ANKFN1: variants seen among roughly 807,000 people sequenced by gnomAD.
The protein encoded by ANKFN1 is ankyrin repeat and fibronectin type III domain containing 1.
Under a neutral mutation model 108.7 loss-of-function variants are expected in ANKFN1, and 74 were observed. The ratio of observed to expected loss-of-function variants is 0.68; its 90% CI spans 0.56 to 0.83. ANKFN1 has a LOEUF of 0.83. Among genes scored for constraint, ANKFN1 ranks in the 40% least tolerant of loss-of-function variants. The pLI, the probability that ANKFN1 is intolerant of heterozygous loss-of-function variation, is 0.00. For synonymous variants in ANKFN1, 547 were observed against 516.2 expected (o/e 1.06, Z -0.81); for missense variants, 1,505 against 1,382.3 (o/e 1.09, Z -1.41).
At chr17:56,212,405 G>A (rs564576623) in intron 1 of ANKFN1, among the ~76,000 whole-genome samples, 193 bp from the exon 2 acceptor site, 18 of 152,164 alleles carry the variant, frequency 1.2e-4, no homozygotes, top group African/African-American at 3.9e-4. Context: ...GATCATGGTG[G>A]ATTATCATTT....
At chr17:56,307,605 T>C (rs1349547048) in intron 3 of ANKFN1, among the ~76,000 whole-genome samples, 3 of 152,120 alleles carry the variant, frequency 2.0e-5, no homozygotes, top group Admixed American at 2.0e-4. Context: ...TGTGGAGAAA[T>C]AGGAACACTT....
At chr17:56,486,105 G>C (rs1303441172) in intron 18 of ANKFN1, among the ~76,000 whole-genome samples, 2 of 152,178 alleles carry the variant, frequency 1.3e-5, no homozygotes, top group Non-Finnish European at 2.9e-5. Flanking sequence ...AGCAATATGA[G>C]AGCATCAGAT....
At position 56,189,170 on chromosome 17, in the gene ANKFN1, C is replaced by CATTT. The variant is rs1555607722; in HGVS notation, c.-70-23428_-70-23427insATTT. Reference sequence around the variant, plus strand: ...CCTAAGTAAGTAAATGTTGCCCTGACTTTTTTTTTTTTTTTTTTGAGACGG... The same window carrying CATTT: ...CCTAAGTAAGTAAATGTTGCCCTGACATTTTTTTTTTTTTTTTTTTTTGAGACGG... On this transcript the variant is annotated intron_variant, in intron 1 of 20. Coordinates refer to ENST00000682825, the MANE Select transcript of ANKFN1 (RefSeq NM_001370326.1). Among the ~76,000 whole-genome samples, 9 of 85,262 alleles carry CATTT rather than the reference C, an allele frequency of 1.1e-4. 1 individual carries two copies. Among genetic ancestry groups the CATTT allele is most frequent in the Non-Finnish European group, 1.3e-4 (7 of 52,142 alleles). 55.9% of individuals were successfully genotyped at this position (85,262 alleles called of 152,430 possible).
At chr17:56,239,784 C>A (rs1490425237) in intron 3 of ANKFN1, among the ~76,000 whole-genome samples, 3 of 152,164 alleles carry the variant, frequency 2.0e-5, no homozygotes, top group South Asian at 2.1e-4. Context: ...CTTTGGCAGG[C>A]TACTGGTCAG....
chr17:56,153,626 G>T, intron 1 of ANKFN1, 96 bp downstream of exon 1: 1 of 1,501,926 alleles, frequency 6.7e-7, no homozygotes, highest in South Asian at 1.1e-5. Flanking sequence ...GTGGGCGAGT[G>T]AATTCGGGCG....
At chr17:56,190,300 A>G (rs1285884667) in intron 1 of ANKFN1, among the ~76,000 whole-genome samples, 1 of 134,154 alleles carries the variant, frequency 7.5e-6, no homozygotes, top group East Asian at 2.2e-4. Flanking sequence ...TCTAATTGTG[A>G]TGTTAGGGTG....
At chr17:56,347,228 A>G (rs1418645784) in intron 4 of ANKFN1, among the ~76,000 whole-genome samples, 1 of 152,022 alleles carries the variant, frequency 6.6e-6, no homozygotes, top group Non-Finnish European at 1.5e-5. Context: ...ATTATTTAAG[A>G]CAAGCAATAA....
At chr17:56,270,453 G>A (rs566446212) in intron 3 of ANKFN1, among the ~76,000 whole-genome samples, 4 of 152,276 alleles carry the variant, frequency 2.6e-5, no homozygotes, top group Admixed American at 2.6e-4. Flanking sequence ...GTCATCCCAG[G>A]GAAAGACAGT....
intron 4 of ANKFN1, among the ~76,000 whole-genome samples, chr17:56,046,731 C>G (rs967983501): frequency 6.6e-6 from 1 of 152,086 alleles, no homozygotes; most frequent in Non-Finnish European, 1.5e-5. Flanking sequence ...ATTTACATCC[C>G]TCTAGCTGCA....
At chr17:56,456,816 T>A (rs1307091215) in intron 11 of ANKFN1, 45 bp from the exon 12 acceptor site, 4 of 1,521,726 alleles carry the variant, frequency 2.6e-6, no homozygotes, top group Non-Finnish European at 3.6e-6. Flanking sequence ...GGGGTGTTGA[T>A]CTGCCCAGTG....
At chr17:56,174,874 G>T (rs1429959246) in intron 1 of ANKFN1, among the ~76,000 whole-genome samples, 1 of 152,180 alleles carries the variant, frequency 6.6e-6, no homozygotes, top group African/African-American at 2.4e-5. Flanking sequence ...GAGTGGCAGG[G>T]AATGGGTTTT....
chr17:56,445,253 CTG>C (rs1313301693), intron 10 of ANKFN1, among the ~76,000 whole-genome samples: 1 of 152,168 alleles, frequency 6.6e-6, no homozygotes. Context: ...GAGGAGGTGT[CTG>C]GGGAACCCCA....
chr17:56,229,166 G>T (rs890689520), intron 3 of ANKFN1, among the ~76,000 whole-genome samples: 3 of 152,018 alleles, frequency 2.0e-5, no homozygotes, highest in Non-Finnish European at 4.4e-5. Context: ...AACGTATTAC[G>T]CATTCACTGA....
intron 4 of ANKFN1, among the ~76,000 whole-genome samples, chr17:56,347,670 G>A (rs932725647): frequency 6.6e-6 from 1 of 151,900 alleles, no homozygotes; most frequent in African/African-American, 2.4e-5. Flanking sequence ...TAAATATAGA[G>A]GAGAAAAAGA....
intron 3 of ANKFN1, among the ~76,000 whole-genome samples, chr17:56,298,601 C>T (rs1201750168): frequency 2.0e-5 from 3 of 151,988 alleles, no homozygotes; most frequent in Non-Finnish European, 4.4e-5. Flanking sequence ...TTATAAACAA[C>T]ATTTTCATCA....
At chr17:56,144,730 G>A (rs1416986363) in intron 4 of ANKFN1, among the ~76,000 whole-genome samples, 1 of 152,094 alleles carries the variant, frequency 6.6e-6, no homozygotes, top group Non-Finnish European at 1.5e-5. Context: ...GTCCAGTGAG[G>A]GTTCTTTGTT....
At chr17:56,249,697 G>A (rs1163308919) in intron 3 of ANKFN1, among the ~76,000 whole-genome samples, 2 of 152,198 alleles carry the variant, frequency 1.3e-5, no homozygotes, top group African/African-American at 4.8e-5. Flanking sequence ...GACTAGGATA[G>A]AGATCTCAGA....
chr17:56,081,058 C>A (rs1905239890), intron 4 of ANKFN1, among the ~76,000 whole-genome samples: 1 of 152,126 alleles, frequency 6.6e-6, no homozygotes, highest in East Asian at 1.9e-4. Context: ...GGCCCCTTGC[C>A]TCCTTTTAAA....
intron 1 of ANKFN1, among the ~76,000 whole-genome samples, chr17:56,187,344 A>C (rs1246421967): frequency 8.5e-5 from 13 of 152,254 alleles, no homozygotes; most frequent in Admixed American, 3.3e-4. Flanking sequence ...AATGCTCATC[A>C]TCACTGGCCA....
Sources: gnomAD v4.1 joint callset for allele counts (sites outside exome capture counted in the v4.1 genomes callset) on GRCh38, gnomAD v4.1.1 for gene constraint, MANE v1.5 for transcripts, NCBI Gene and HGNC (gene_info 2026-07-23, HGNC 2026-07-21) for gene names.